C2orf49: variants seen among roughly 807,000 people sequenced by gnomAD.
C2orf49 encodes tRNA-splicing ligase complex subunit ASW.
C2orf49 carries 11 observed loss-of-function variants against 20.6 expected under a neutral mutation model. That is an observed-to-expected ratio of 0.53 (90% CI 0.34 to 0.88). The LOEUF (loss-of-function observed/expected upper bound fraction) is 0.88. C2orf49 is among the 40% of genes least tolerant of loss of function. The probability of loss-of-function intolerance (pLI) is 0.02; values close to 1 mark genes in which losing one functional copy is unlikely to be tolerated. For synonymous variants in C2orf49, 134 were observed against 108.5 expected (o/e 1.24, Z -1.46); for missense variants, 289 against 274.2 (o/e 1.05, Z -0.38).
At chr2:105,339,436 C>T in intron 1 of C2orf49, 147 bp from the exon 2 acceptor site, 1 of 649,452 alleles carries the variant, frequency 1.5e-6, no homozygotes, top group Non-Finnish European at 2.5e-6. Context: ...TAACCTTTAA[C>T]ACTGTCTCTA....
chr2:105,364,814 C>CA, the C2orf49 span, among the ~76,000 whole-genome samples: 1 of 152,130 alleles, frequency 6.6e-6, no homozygotes, highest in African/African-American at 2.4e-5. Flanking sequence ...AACTGAGACT[C>CA]AGAGAAATTA....
chr2:105,343,080 A>G lies in C2orf49; in HGVS notation c.499A>G (p.Asn167Asp). ...GCCTGTGAACAATAAAACGGAACAC[A>G]ATAATAATGACGCTAAACAGAACCA... is the stretch of plus-strand genomic sequence containing the variant. ...NLPVNNKTEH[N>D]NNDAKQNHDL... The change falls in exon 3 of 4, where the codon AAT becomes GAT. Residue 167 changes from asparagine (N) to aspartate (D), a missense_variant. Physicochemically the swap from Asn to Asp is conservative, Grantham distance 23. Coordinates refer to ENST00000258457, the MANE Select transcript of C2orf49 (RefSeq NM_024093.3). The G allele has an allele frequency of 6.2e-7, 1 of 1,614,250 alleles. No homozygotes were observed. Among genetic ancestry groups the G allele is most frequent in the African/African-American group, 1.3e-5 (1 of 75,060 alleles).
the C2orf49 span, among the ~76,000 whole-genome samples, chr2:105,375,002 A>C: frequency 6.6e-6 from 1 of 152,192 alleles, no homozygotes; most frequent in African/African-American, 2.4e-5. Context: ...TGTTACTGAA[A>C]CCGAAGTCGA....
chr2:105,337,568 G>A lies in C2orf49; in HGVS notation c.-20G>A. The A allele has an allele frequency of 6.2e-7, 1 of 1,613,290 alleles. No individual in the cohort carries two copies. Among genetic ancestry groups the A allele is most frequent in the Non-Finnish European group, 8.5e-7 (1 of 1,179,946 alleles). ...CGCGGGGCTTTGTGGGTAGCCGACTGGGGTCTCCTGGCGACGACCATGGCG... is the reference window on the plus strand; with the variant it reads ...CGCGGGGCTTTGTGGGTAGCCGACTAGGGTCTCCTGGCGACGACCATGGCG... On this transcript the variant is annotated 5_prime_UTR_variant, in exon 1 of 4. Transcript: ENST00000258457.
the C2orf49 span, among the ~76,000 whole-genome samples, chr2:105,381,123 A>G: frequency 6.6e-6 from 1 of 152,054 alleles, no homozygotes; most frequent in Admixed American, 6.6e-5. Context: ...TTCGCACCCC[A>G]TTCCACCAGG....
the C2orf49 span, chr2:105,377,875 T>C: frequency 2.7e-6 from 1 of 364,746 alleles, no homozygotes; most frequent in Non-Finnish European, 5.5e-6. Context: ...GATAGTTGCT[T>C]TTTACATGGT....
the C2orf49 span, chr2:105,378,130 G>A: frequency 2.1e-6 from 1 of 471,072 alleles, no homozygotes; most frequent in African/African-American, 2.0e-5. Flanking sequence ...GCACAGACAT[G>A]GAAAAGCTGG....
At position 105,344,745 on chromosome 2, in the gene C2orf49, A is replaced by T. The variant is rs1219967740; in HGVS notation, c.643-570A>T. On this transcript the variant is annotated intron_variant, in intron 3 of 3. Coordinates refer to ENST00000258457, the MANE Select transcript of C2orf49 (RefSeq NM_024093.3). The stretch of plus-strand genomic sequence containing the variant: ...TAGGCGCCTGCCACCACACCCAGCT[A>T]ATTTTTTTTTTTTTTATTTTTGTAG... Among the ~76,000 whole-genome samples the T allele has an allele frequency of 2.0e-5, 3 of 147,832 alleles. No individual in the cohort carries two copies. The East Asian group carries it at 5.9e-4, about 29-fold the overall frequency.
the C2orf49 span, among the ~76,000 whole-genome samples, chr2:105,356,891 A>G: frequency 2.0e-5 from 3 of 152,102 alleles, no homozygotes; most frequent in Non-Finnish European, 4.4e-5. Context: ...GAATATGTAG[A>G]TTAATATTTT....
the C2orf49 span, among the ~76,000 whole-genome samples, chr2:105,354,336 T>C: frequency 6.6e-6 from 1 of 152,188 alleles, no homozygotes; most frequent in Non-Finnish European, 1.5e-5. Context: ...ATTTTCATTG[T>C]TCCGGTTGAG....
At chr2:105,372,998 C>T in the C2orf49 span, among the ~76,000 whole-genome samples, 4 of 152,342 alleles carry the variant, frequency 2.6e-5, no homozygotes, top group East Asian at 7.7e-4. Context: ...GGGACACAGT[C>T]CCATCAACAC....
At chr2:105,342,321 C>T (rs1243257739) in intron 2 of C2orf49, among the ~76,000 whole-genome samples, 2 of 152,202 alleles carry the variant, frequency 1.3e-5, no homozygotes, top group Non-Finnish European at 2.9e-5. Context: ...GTATGAGACA[C>T]TTGCCAGATT....
the C2orf49 span, among the ~76,000 whole-genome samples, chr2:105,380,778 AAAAG>A: frequency 6.6e-6 from 1 of 152,246 alleles, no homozygotes; most frequent in Admixed American, 6.5e-5. Flanking sequence ...ATTGAAAACA[AAAAG>A]AAAGAAAAAA....
At chr2:105,338,901 T>G (rs1383807370) in intron 1 of C2orf49, among the ~76,000 whole-genome samples, 3 of 152,360 alleles carry the variant, frequency 2.0e-5, no homozygotes, top group African/African-American at 7.2e-5. Context: ...GCTTATGCTA[T>G]GTTTTTCATG....
At chr2:105,343,629 T>C (rs1398282810) in intron 3 of C2orf49, among the ~76,000 whole-genome samples, 2 of 152,180 alleles carry the variant, frequency 1.3e-5, no homozygotes, top group African/African-American at 4.8e-5. Context: ...CTTAAGTCTG[T>C]CTGTTTGTGC....
chr2:105,340,812 A>AT (rs1172498595), intron 2 of C2orf49, among the ~76,000 whole-genome samples: 5 of 151,430 alleles, frequency 3.3e-5, no homozygotes, highest in African/African-American at 4.8e-5. Context: ...TGATCAATTA[A>AT]TTTTTTTTTA....
the C2orf49 span, among the ~76,000 whole-genome samples, chr2:105,372,524 A>G: frequency 6.6e-6 from 1 of 152,044 alleles, no homozygotes; most frequent in Admixed American, 6.5e-5. Flanking sequence ...CACACCTGGC[A>G]TCCTACATAT....
chr2:105,352,139 T>C (rs1318217346), downstream of C2orf49, among the ~76,000 whole-genome samples: 1 of 152,248 alleles, frequency 6.6e-6, no homozygotes, highest in Non-Finnish European at 1.5e-5. Context: ...GAAATGACTT[T>C]ACCAGCTAGA....
the C2orf49 span, among the ~76,000 whole-genome samples, chr2:105,366,373 G>A: frequency 1.3e-5 from 2 of 152,210 alleles, no homozygotes; most frequent in African/African-American, 4.8e-5. Context: ...AGACGCAAGG[G>A]TAGAGGCCCC....
Sources: allele counts gnomAD v4.1 joint callset (sites outside exome capture counted in the v4.1 genomes callset), GRCh38; gene constraint gnomAD v4.1.1; transcripts MANE v1.5; gene names NCBI Gene and HGNC (gene_info 2026-07-23, HGNC 2026-07-21).